DLC1: variants seen among roughly 807,000 people sequenced by gnomAD.
The protein encoded by DLC1 is rho GTPase-activating protein 7.
A neutral mutation model predicts 140.3 loss-of-function variants in DLC1; 54 were observed. That is an observed-to-expected ratio of 0.38 (90% CI 0.31 to 0.48). The LOEUF is 0.48. Ranked by LOEUF, DLC1 falls within the 20% of genes least tolerant of loss-of-function variation. The pLI is 0.96. For synonymous variants in DLC1, 986 were observed against 728.1 expected (o/e 1.35, Z -5.70); for missense variants, 2,536 against 1,907.0 (o/e 1.33, Z -6.14).
chr8:13,440,923 G>C (rs143526982), intron 2 of DLC1, among the ~76,000 whole-genome samples: 82 of 152,060 alleles, frequency 5.4e-4, no homozygotes, highest in Non-Finnish European at 9.7e-4. Flanking sequence ...TCCCGGTCTC[G>C]TGTGTGTCTT....
chr8:13,348,683 T>C (rs1834488414), intron 4 of DLC1, among the ~76,000 whole-genome samples: 1 of 151,718 alleles, frequency 6.6e-6, no homozygotes, highest in African/African-American at 2.4e-5. Context: ...TAAAGCCCTC[T>C]CAAAACACAT....
At chr8:13,471,874 C>T (rs1014298404) in intron 2 of DLC1, among the ~76,000 whole-genome samples, 68 of 152,324 alleles carry the variant, frequency 4.5e-4, no homozygotes, top group African/African-American at 1.6e-3. Flanking sequence ...GTGACATCAG[C>T]CTGGGCTCTT....
chr8:13,472,007 C>T (rs534637185), intron 2 of DLC1, among the ~76,000 whole-genome samples: 94 of 152,306 alleles, frequency 6.2e-4, no homozygotes, highest in Non-Finnish European at 1.0e-3. Flanking sequence ...GCAAAACCTA[C>T]GCACGGAAAG....
chr8:13,401,463 A>T lies in DLC1; in HGVS notation c.1173+7T>A. The T allele has an allele frequency of 1.2e-6, 2 of 1,611,640 alleles. No individual in the cohort carries two copies. Among genetic ancestry groups the T allele is most frequent in the South Asian group, 2.2e-5 (2 of 90,906 alleles). On this transcript the variant is annotated splice_region_variant and intron_variant, in intron 3 of 17. Transcript: ENST00000276297. The stretch of plus-strand genomic sequence containing the variant: ...ATGGGAAAAGAAGTAGAAAGTGGAA[A>T]GCTCACAGGAACGTGCCGCCGCAGG...
intron 2 of DLC1, among the ~76,000 whole-genome samples, chr8:13,436,670 G>T (rs758073233): frequency 6.6e-6 from 1 of 152,144 alleles, no homozygotes; most frequent in Non-Finnish European, 1.5e-5. Flanking sequence ...GGAGGAAATT[G>T]TATTTTCCCA....
rs543203990 is a variant in DLC1 at position 13,567,499 on chromosome 8, G to A, written c.-126+37038C>T. The A allele has an allele frequency of 1.5e-4, 237 of 1,552,014 alleles. 1 individual carries two copies. The highest frequency in any genetic ancestry group is 1.8e-4 in the Non-Finnish European group (212 of 1,147,060). On this transcript the variant is annotated intron_variant, in intron 1 of 1. Coordinates refer to the DLC1 transcript ENST00000631382. ...AGATGCCTTTAGTTGTACTGTACCC[G>A]ATGAACTTTTGAACAGAATCTACTT...
At chr8:13,430,501 C>T (rs573342502) in intron 2 of DLC1, among the ~76,000 whole-genome samples, 1 of 152,112 alleles carries the variant, frequency 6.6e-6, no homozygotes, top group Non-Finnish European at 1.5e-5. Flanking sequence ...CTATTGCCCT[C>T]ATTTTCATTC....
At chr8:13,274,992 A>C (rs901366604) in intron 5 of DLC1, among the ~76,000 whole-genome samples, 1 of 152,352 alleles carries the variant, frequency 6.6e-6, no homozygotes, top group African/African-American at 2.4e-5. Context: ...TTAAATAAAA[A>C]ATCATATTGG....
intron 5 of DLC1, among the ~76,000 whole-genome samples, chr8:13,216,221 G>C (rs1199299961): frequency 6.6e-6 from 1 of 152,114 alleles, no homozygotes; most frequent in East Asian, 1.9e-4. Flanking sequence ...TTTCAGTGAT[G>C]AATTATTTTA....
intron 1 of DLC1, chr8:13,566,901 A>C: frequency 7.0e-7 from 1 of 1,428,970 alleles, no homozygotes; most frequent in Non-Finnish European, 9.2e-7. Context: ...TGGCATTGAG[A>C]TCCATTCCCG....
intron 5 of DLC1, among the ~76,000 whole-genome samples, chr8:13,152,839 A>AAAAAAAAG (rs56345301): frequency 6.7e-6 from 1 of 150,352 alleles, no homozygotes; most frequent in Non-Finnish European, 1.5e-5. Flanking sequence ...AAAAAAAAAA[A>AAAAAAAAG]GCAACCAACC....
intron 5 of DLC1, among the ~76,000 whole-genome samples, chr8:13,263,202 T>G (rs1452923067): frequency 2.0e-5 from 3 of 151,960 alleles, no homozygotes; most frequent in Non-Finnish European, 4.4e-5. Context: ...CCTGCAAGAG[T>G]TTTTTGGGAG....
chr8:13,301,908 C>T (rs1478751756), intron 5 of DLC1, among the ~76,000 whole-genome samples: 1 of 152,154 alleles, frequency 6.6e-6, no homozygotes, highest in East Asian at 1.9e-4. Context: ...CTGAAACCCT[C>T]CCCTACCCAA....
chr8:13,221,801 ATATAAAATACATATAT>A (rs1453163483), intron 5 of DLC1, among the ~76,000 whole-genome samples: 8 of 145,078 alleles, frequency 5.5e-5, no homozygotes, highest in South Asian at 2.1e-4. Context: ...CAATATATTA[ATATAAAATACATATAT>A]TATAAAATAC....
Position 13,559,569 on chromosome 8 carries a change from TATA to T in DLC1, c.-126+44965_-126+44967del, listed in dbSNP as rs1585274193. Among the ~76,000 whole-genome samples the T allele has an allele frequency of 2.0e-5, 3 of 152,344 alleles. No homozygotes were observed. The East Asian group carries it at 5.8e-4, about 29-fold the overall frequency. ...TCCATGTCATTCAACACTATGTAAT[TATA>T]ATAATATTCATTTTATAGTGAAAGC... On this transcript the variant is annotated intron_variant, in intron 1 of 1. Transcript: ENST00000631382.
intron 1 of DLC1, among the ~76,000 whole-genome samples, chr8:13,582,901 T>C (rs1301333240): frequency 8.0e-6 from 1 of 124,832 alleles, no homozygotes. Context: ...TATATATATA[T>C]ATATATATAT....
intron 4 of DLC1, among the ~76,000 whole-genome samples, chr8:13,379,508 G>A (rs1290869461): frequency 1.3e-5 from 2 of 152,114 alleles, no homozygotes; most frequent in African/African-American, 2.4e-5. Flanking sequence ...TGTAAGTGTC[G>A]AATATCCCGT....
chr8:13,304,350 G>A (rs1832330511), intron 5 of DLC1, among the ~76,000 whole-genome samples: 1 of 152,070 alleles, frequency 6.6e-6, no homozygotes, highest in Non-Finnish European at 1.5e-5. Flanking sequence ...CATTATTAAA[G>A]TGAAGAAACG....
chr8:13,112,224 G>A (rs1455102516), intron 6 of DLC1, among the ~76,000 whole-genome samples: 2 of 152,170 alleles, frequency 1.3e-5, no homozygotes, highest in East Asian at 3.9e-4. Context: ...GAACAGACAT[G>A]GCTGTCAGCA....
Sources: allele counts gnomAD v4.1 joint callset (sites outside exome capture counted in the v4.1 genomes callset), GRCh38; gene constraint gnomAD v4.1.1; transcripts MANE v1.5; gene names NCBI Gene and HGNC (gene_info 2026-07-23, HGNC 2026-07-21).